The following WFDC5 variants were observed in gnomAD, a reference collection of about 807,000 sequenced individuals.
WFDC5 encodes WAP four-disulfide core domain 5.
WFDC5 carries 15 observed loss-of-function variants against 15.7 expected under a neutral mutation model. The observed-to-expected ratio is 0.96, with a 90% confidence interval of 0.64 to 1.47. The LOEUF (loss-of-function observed/expected upper bound fraction) is 1.47. Among genes scored for constraint, WFDC5 ranks in the 40% most tolerant of loss-of-function variants. WFDC5 has a pLI of 0.00. For synonymous variants in WFDC5, 109 were observed against 107.7 expected, an observed-to-expected ratio of 1.01 and a Z score of -0.07; for missense variants, 280 against 258.0, an observed-to-expected ratio of 1.09 and a Z score of -0.59.
At position 45,110,549 on chromosome 20, in the gene WFDC5, C is replaced by A; in HGVS notation, c.227-9G>T. The A allele has an allele frequency of 6.2e-7, 1 of 1,614,168 alleles. No homozygotes were observed. Among genetic ancestry groups the A allele is most frequent in the East Asian group, 2.2e-5 (1 of 44,888 alleles). On this transcript the variant is annotated splice_polypyrimidine_tract_variant and intron_variant, in intron 2 of 3. Coordinates refer to ENST00000307971, the Ensembl canonical transcript of WFDC5. ...GCAGCTGCCCAGCTTCACTGCAACA[C>A]AGGGAACTGGGTGAGCTCCGTCCTT...
At chr20:45,112,469 T>G (rs1196285492) in intron 1 of WFDC5, among the ~76,000 whole-genome samples, 3 of 152,128 alleles carry the variant, frequency 2.0e-5, no homozygotes, top group South Asian at 2.1e-4. Context: ...AGAGCCGGCG[T>G]GAGAGGCTCT....
intron 1 of WFDC5, among the ~76,000 whole-genome samples, chr20:45,113,358 G>A (rs1981672715): frequency 6.6e-6 from 1 of 152,232 alleles, no homozygotes; most frequent in African/African-American, 2.4e-5. Flanking sequence ...AGAGAAACCA[G>A]TGGGGGACAA....
At chr20:45,109,626 G>A (rs1462042985) in exon 4 of WFDC5, 15 of 636,680 alleles carry the variant, frequency 2.4e-5, no homozygotes, top group Non-Finnish European at 4.1e-5. Context: ...AACTCTGCAA[G>A]AATATTCATT....
chr20:45,110,450 T>C, exon 3 of WFDC5: 1 of 1,613,422 alleles, frequency 6.2e-7, no homozygotes, highest in Non-Finnish European at 8.5e-7. Flanking sequence ...GCAGCATCGC[T>C]TTTTGCCCGA....
chr20:45,113,211 G>A (rs1442328755), intron 1 of WFDC5, among the ~76,000 whole-genome samples: 1 of 152,202 alleles, frequency 6.6e-6, no homozygotes, highest in Non-Finnish European at 1.5e-5. Context: ...GAGTGAGAAG[G>A]GGGCAGAATG....
intron 1 of WFDC5, among the ~76,000 whole-genome samples, chr20:45,114,449 C>A (rs771949310): frequency 3.9e-5 from 6 of 152,088 alleles, no homozygotes; most frequent in Non-Finnish European, 7.4e-5. Flanking sequence ...ATCCCAGAAG[C>A]CACACCCTCT....
intron 1 of WFDC5, among the ~76,000 whole-genome samples, chr20:45,113,386 G>A (rs1341539770): frequency 6.6e-6 from 1 of 152,230 alleles, no homozygotes. Flanking sequence ...TGAACTGGGG[G>A]AGAGACAAGC....
chr20:45,114,856 C>T (rs1244716196), intron 1 of WFDC5, 143 bp downstream of exon 1: 2 of 763,950 alleles, frequency 2.6e-6, no homozygotes, highest in Admixed American at 5.5e-5. Context: ...ATCAGGCATC[C>T]ACACATACAC....
intron 1 of WFDC5, among the ~76,000 whole-genome samples, chr20:45,112,575 C>T (rs909157499): frequency 1.3e-5 from 2 of 152,324 alleles, no homozygotes; most frequent in East Asian, 3.9e-4. Context: ...CAGTCACACA[C>T]ACAGATGGTC....
At chr20:45,116,081 C>CA (rs916235798), upstream of WFDC5, among the ~76,000 whole-genome samples, 2 of 152,200 alleles carry the variant, frequency 1.3e-5, no homozygotes, top group Non-Finnish European at 2.9e-5. Flanking sequence ...GCCTCCCCAT[C>CA]ACCCTCATTC....
upstream of WFDC5, among the ~76,000 whole-genome samples, chr20:45,115,418 C>T (rs775409649): frequency 6.6e-6 from 1 of 152,188 alleles, no homozygotes; most frequent in Non-Finnish European, 1.5e-5. Flanking sequence ...GAGGCAGATG[C>T]TTGCTATCCT....
intron 1 of WFDC5, 109 bp downstream of exon 1, chr20:45,114,890 C>G: frequency 1.2e-6 from 1 of 845,858 alleles, no homozygotes; most frequent in South Asian, 1.8e-5. Flanking sequence ...CACACACACA[C>G]GCGCACACAC....
At chr20:45,111,367 G>A (rs2145525525) in intron 1 of WFDC5, among the ~76,000 whole-genome samples, 1 of 142,884 alleles carries the variant, frequency 7.0e-6, no homozygotes, top group South Asian at 2.2e-4. Flanking sequence ...TCTCTCACTT[G>A]GCTGGAGGTG....
intron 1 of WFDC5, among the ~76,000 whole-genome samples, chr20:45,112,723 C>T (rs1472330122): frequency 6.6e-6 from 1 of 152,212 alleles, no homozygotes; most frequent in Non-Finnish European, 1.5e-5. Context: ...TCTAGACACA[C>T]AATTAGCTAC....
intron 2 of WFDC5, 23 bp downstream of exon 2, chr20:45,110,612 C>CAAGGAAGA (rs761572351): frequency 2.5e-6 from 4 of 1,613,960 alleles, no homozygotes; most frequent in Non-Finnish European, 3.4e-6. Context: ...GGATGGTCAG[C>CAAGGAAGA]AAGGTGGAGG....
intron 1 of WFDC5, 47 bp downstream of exon 1, chr20:45,114,952 A>G (rs1426419479): frequency 1.9e-6 from 3 of 1,596,592 alleles, no homozygotes; most frequent in Admixed American, 1.7e-5. Flanking sequence ...TCCCTAGAGA[A>G]GTAGAGACAA....
chr20:45,114,971 C>T, intron 1 of WFDC5, 28 bp downstream of exon 1: 1 of 1,610,450 alleles, frequency 6.2e-7, no homozygotes, highest in South Asian at 1.1e-5. Context: ...AATCTGGTCC[C>T]CCCAGCAGAG....
At chr20:45,109,517 A>T in exon 4 of WFDC5, 1 of 534,372 alleles carries the variant, frequency 1.9e-6, no homozygotes, top group Non-Finnish European at 3.4e-6. Flanking sequence ...TAAAGAAAAC[A>T]TTAAGTAAAT....
intron 1 of WFDC5, among the ~76,000 whole-genome samples, chr20:45,112,531 C>G (rs1461667013): frequency 2.0e-5 from 3 of 152,200 alleles, no homozygotes; most frequent in Non-Finnish European, 2.9e-5. Context: ...TCCCTCCAAA[C>G]CAGGTTCTCC....
Sources: allele counts gnomAD v4.1 joint callset (sites outside exome capture counted in the v4.1 genomes callset), GRCh38; gene constraint gnomAD v4.1.1; transcripts MANE v1.5; gene names NCBI Gene and HGNC (gene_info 2026-07-23, HGNC 2026-07-21).